Variants in SCML2 observed in about 807,000 individuals in gnomAD.
SCML2 encodes the protein Scm polycomb group protein like 2.
A neutral mutation model predicts 48.4 loss-of-function variants in SCML2; 6 were observed. The observed-to-expected ratio is 0.12, with a 90% CI of 0.07 to 0.24. The LOEUF is 0.24. Ranked by LOEUF, SCML2 falls within the 10% of genes least tolerant of loss-of-function variation. SCML2 has a pLI of 1.00. For synonymous variants in SCML2, 181 were observed against 189.5 expected (o/e 0.95, Z 0.37); for missense variants, 377 against 528.2 (o/e 0.71, Z 2.81).
intron 1 of SCML2, among the ~76,000 whole-genome samples, chrX:18,345,118 A>G (rs1257617922): frequency 8.9e-6 from 1 of 111,901 alleles, no homozygotes; most frequent in African/African-American, 3.2e-5. Flanking sequence ...GCCCAAGATC[A>G]CCCAGCTAGG....
At chrX:18,257,081 C>G in intron 10 of SCML2, 51 bp from the exon 11 acceptor site, 1 of 843,746 alleles carries the variant, frequency 1.2e-6, no homozygotes, top group Non-Finnish European at 1.6e-6. Flanking sequence ...ATGAGAAATA[C>G]AACACTAATT....
chrX:18,342,396 C>T (rs900995589), intron 1 of SCML2, among the ~76,000 whole-genome samples: 2 of 110,349 alleles, frequency 1.8e-5, no homozygotes, highest in African/African-American at 6.6e-5. Context: ...TAGCGCCTGA[C>T]ATTGAAATTT....
In SCML2 at chrX:18,247,169, T is replaced by G. The variant is rs775374412; in HGVS notation, c.1571-341A>C. ...CACCATGCCTGGCTAATCTTTTGGG[T>G]TTTTTTTAGTAGAGACAGGGTTTCA... On this transcript the variant is annotated intron_variant, in intron 12 of 14. Transcript: ENST00000251900. Among the ~76,000 whole-genome samples, 5 of 110,516 alleles carry G rather than the reference T, an allele frequency of 4.5e-5. No homozygotes were observed. The East Asian group carries it at 8.6e-4, about 19-fold the overall frequency.
At chrX:18,249,248 C>T in intron 11 of SCML2, among the ~76,000 whole-genome samples, 1 of 111,809 alleles carries the variant, frequency 8.9e-6, no homozygotes, top group Non-Finnish European at 1.9e-5. Flanking sequence ...AAAAAAACAG[C>T]AAATTCTGTG....
In SCML2 at chrX:18,334,058, A is replaced by C; in HGVS notation, c.14T>G (p.Val5Gly). 1 of 1,197,336 alleles carries C rather than the reference A, an allele frequency of 8.4e-7. No homozygotes were observed. Among genetic ancestry groups the C allele is most frequent in the Non-Finnish European group, 1.1e-6 (1 of 888,169 alleles). Reference protein sequence around the residue: MGQTVNEDSMDVKKE... With the variant: MGQTGNEDSMDVKKE... ...TAACAAGTAAATCTTACCTTCATTC[A>C]CTGTTTGTCCCATGGTATCCCTATT... The change falls in exon 2 of 15, where the codon GTG (valine) becomes GGG (glycine). Residue 5 changes from valine to glycine, a missense_variant. Physicochemically the swap from Val to Gly is moderately radical, Grantham distance 109. Transcript: ENST00000251900.
At chrX:18,324,114 T>C (rs973660651) in intron 4 of SCML2, 21 bp from the exon 5 acceptor site, 1 of 1,039,577 alleles carries the variant, frequency 9.6e-7, no homozygotes, top group Non-Finnish European at 1.3e-6. Context: ...AAATAAAATT[T>C]GGTTAAAATG....
rs1602144763 is a variant in SCML2 at position 18,335,760 on chromosome X, C to A, written c.-24-1665G>T. Among the ~76,000 whole-genome samples the A allele has an allele frequency of 6.3e-5, 7 of 111,562 alleles. 2 individuals carry two copies. In the Admixed American group the frequency reaches 6.7e-4, roughly 11 times the overall value. On this transcript the variant is annotated intron_variant, in intron 1 of 14. Coordinates refer to ENST00000251900, the MANE Select transcript of SCML2 (RefSeq NM_006089.3). ...ACTTGAAGAAAACCTAAATAAATCA[C>A]CATATTCACAAGCTGGAAGACTCAA...
At chrX:18,286,878 G>A (rs1928070655) in intron 7 of SCML2, among the ~76,000 whole-genome samples, 1 of 111,331 alleles carries the variant, frequency 9.0e-6, no homozygotes, top group African/African-American at 3.3e-5. Context: ...AATTTTCAGT[G>A]GTAGCTGTTC....
chrX:18,251,936 T>C (rs1011531076), intron 11 of SCML2, among the ~76,000 whole-genome samples: 1 of 112,273 alleles, frequency 8.9e-6, no homozygotes, highest in African/African-American at 3.2e-5. Context: ...TATTCAGCCA[T>C]AAAAAGGAAT....
intron 7 of SCML2, among the ~76,000 whole-genome samples, chrX:18,295,833 T>C (rs1161892524): frequency 8.9e-6 from 1 of 112,160 alleles, no homozygotes; most frequent in East Asian, 2.8e-4. Flanking sequence ...CCTAAGCCAT[T>C]GAGGAAATTA....
rs1346262649 is a variant in SCML2 at position 18,301,925 on chromosome X, A to C, written c.730+3047T>G. 7.2e-5 allele frequency among the ~76,000 whole-genome samples: 8 copies of C among 111,820 alleles called. No homozygotes were observed. In the Admixed American group the frequency reaches 7.6e-4, roughly 11 times the overall value. On this transcript the variant is annotated intron_variant, in intron 7 of 14. Transcript: ENST00000251900. Reference sequence around the variant, plus strand: ...GTAAAAATGTAAATAAATACAACAGACTTTCCTTCTCTTGAGTTTTCTAAG... The same window carrying C: ...GTAAAAATGTAAATAAATACAACAGCCTTTCCTTCTCTTGAGTTTTCTAAG...
chrX:18,280,402 C>G (rs1418629746), intron 7 of SCML2, among the ~76,000 whole-genome samples: 1 of 111,789 alleles, frequency 8.9e-6, no homozygotes, highest in Admixed American at 9.5e-5. Context: ...CCTGCTACCA[C>G]GAAAACCCAT....
chrX:18,353,237 CATT>C (rs1243905989), intron 1 of SCML2, among the ~76,000 whole-genome samples: 3 of 111,286 alleles, frequency 2.7e-5, no homozygotes, highest in African/African-American at 9.8e-5. Context: ...GCAAAATCGT[CATT>C]ATTGAAAAAC....
intron 1 of SCML2, among the ~76,000 whole-genome samples, chrX:18,340,577 C>A (rs928745839): frequency 7.2e-5 from 8 of 111,292 alleles, no homozygotes; most frequent in Non-Finnish European, 1.5e-4. Context: ...TGGGAGGCCA[C>A]GGCGGGCAGA....
intron 9 of SCML2, among the ~76,000 whole-genome samples, chrX:18,259,051 G>A (rs183642764): frequency 2.7e-5 from 3 of 111,209 alleles, no homozygotes; most frequent in African/African-American, 6.5e-5. Context: ...ATCAACTCAG[G>A]TCAAGAGTTT....
chrX:18,324,810 A>T, intron 4 of SCML2, 97 bp downstream of exon 4: 1 of 611,284 alleles, frequency 1.6e-6, no homozygotes, highest in Non-Finnish European at 2.7e-6. Context: ...CCACAATCCC[A>T]CTATCTCCTC....
chrX:18,244,069 T>C, intron 13 of SCML2, among the ~76,000 whole-genome samples: 1 of 112,160 alleles, frequency 8.9e-6, no homozygotes, highest in Non-Finnish European at 1.9e-5. Flanking sequence ...CTCTGAATTT[T>C]ATTTCTTTCC....
chrX:18,315,596 G>A (rs1929095439), intron 6 of SCML2, among the ~76,000 whole-genome samples: 1 of 110,888 alleles, frequency 9.0e-6, no homozygotes. Context: ...CATAGAGGAG[G>A]GGCTCTCATG....
At chrX:18,304,075 C>T (rs937620229) in intron 7 of SCML2, among the ~76,000 whole-genome samples, 1 of 111,560 alleles carries the variant, frequency 9.0e-6, no homozygotes, top group East Asian at 2.8e-4. Context: ...GTTTTGTTCT[C>T]GTTGCCCAGG....
Sources: gnomAD v4.1 joint callset for allele counts (sites outside exome capture counted in the v4.1 genomes callset) on GRCh38, gnomAD v4.1.1 for gene constraint, MANE v1.5 for transcripts, NCBI Gene and HGNC (gene_info 2026-07-23, HGNC 2026-07-21) for gene names.